MAMDC2: variants seen among roughly 807,000 people sequenced by gnomAD.
MAMDC2 encodes the protein MAM domain containing 2.
In MAMDC2, 57 loss-of-function variants were observed where a neutral mutation model predicts 89.8. That is an observed-to-expected ratio of 0.63 (90% CI 0.51 to 0.79). MAMDC2 has a LOEUF of 0.79. MAMDC2 is among the 30% of genes least tolerant of loss of function. The pLI is 0.00. For missense variants in MAMDC2, 800 were observed against 820.6 expected (o/e 0.97, Z 0.31); for synonymous variants, 313 against 293.4 (o/e 1.07, Z -0.68).
chr9:70,173,500 G>C (rs2032413330), intron 11 of MAMDC2, among the ~76,000 whole-genome samples: 1 of 152,184 alleles, frequency 6.6e-6, no homozygotes, highest in Non-Finnish European at 1.5e-5. Flanking sequence ...TCTATTTATT[G>C]CAAGAGGATT....
chr9:70,198,760 G>C (rs1052659340), intron 11 of MAMDC2, among the ~76,000 whole-genome samples: 29 of 152,082 alleles, frequency 1.9e-4, no homozygotes, highest in Non-Finnish European at 3.8e-4. Flanking sequence ...AGTAAAGGTA[G>C]AAGTATTCTT....
intron 9 of MAMDC2, among the ~76,000 whole-genome samples, chr9:70,161,778 C>G (rs1038990840): frequency 2.6e-5 from 4 of 152,158 alleles, no homozygotes; most frequent in African/African-American, 9.7e-5. Flanking sequence ...TCAGTAGCAT[C>G]TTAATGAAGG....
intron 2 of MAMDC2, among the ~76,000 whole-genome samples, chr9:70,063,791 T>C (rs1587437016): frequency 6.6e-6 from 1 of 152,154 alleles, no homozygotes; most frequent in East Asian, 1.9e-4. Context: ...TTAGGTATCA[T>C]TATTATCATT....
chr9:70,174,143 G>A (rs1228679113), intron 11 of MAMDC2, among the ~76,000 whole-genome samples: 1 of 152,112 alleles, frequency 6.6e-6, no homozygotes, highest in African/African-American at 2.4e-5. Context: ...AACATACTTA[G>A]AATAAGACCT....
At chr9:70,207,159 T>C (rs2033243485) in intron 11 of MAMDC2, among the ~76,000 whole-genome samples, 1 of 152,218 alleles carries the variant, frequency 6.6e-6, no homozygotes, top group Non-Finnish European at 1.5e-5. Flanking sequence ...ATGGGATGGC[T>C]GGATCAAATG....
Position 70,126,238 on chromosome 9 carries a change from C to A in MAMDC2, c.723C>A (p.Ala241=), listed in dbSNP as rs753775136. ...AGCTCATCTCCCCGTTGACCACGGC[C>A]CCCATGGCTGGCTGCCTGTCATTTT... ...VAQLISPLTT[A]PMAGCLSFYY... The change falls in exon 6 of 14, where the codon GCC becomes GCA. Residue 241 remains alanine (A), a synonymous_variant. Coordinates refer to ENST00000377182, the MANE Select transcript of MAMDC2 (RefSeq NM_153267.5). 1 of 1,614,028 alleles carries A rather than the reference C, an allele frequency of 6.2e-7. No homozygotes were observed. Among genetic ancestry groups the A allele is most frequent in the African/African-American group, 1.3e-5 (1 of 74,910 alleles).
chr9:70,118,043 G>A (rs1028674953), intron 5 of MAMDC2, among the ~76,000 whole-genome samples: 6 of 152,142 alleles, frequency 3.9e-5, no homozygotes, highest in Non-Finnish European at 7.4e-5. Context: ...GATGCATAAG[G>A]GGGAGACAAA....
intron 9 of MAMDC2, among the ~76,000 whole-genome samples, chr9:70,156,709 T>C (rs1246588539): frequency 6.6e-6 from 1 of 152,212 alleles, no homozygotes; most frequent in Non-Finnish European, 1.5e-5. Context: ...AGGAGCTAAG[T>C]ATGGAAAAGG....
intron 10 of MAMDC2, chr9:70,169,816 G>A (rs1256267107): frequency 6.6e-6 from 1 of 152,174 alleles, no homozygotes; most frequent in Non-Finnish European, 1.5e-5. Context: ...TTGGGAAAAG[G>A]AAAATAAACC....
chr9:70,207,645 A>T (rs549814560), intron 11 of MAMDC2, among the ~76,000 whole-genome samples: 5 of 152,012 alleles, frequency 3.3e-5, no homozygotes, highest in Non-Finnish European at 7.4e-5. Context: ...ATTAGATCCC[A>T]TTTGTCAATT....
At chr9:70,086,914 T>C (rs1378911364) in intron 2 of MAMDC2, 4 of 152,142 alleles carry the variant, frequency 2.6e-5, no homozygotes, top group Non-Finnish European at 5.9e-5. Flanking sequence ...AGAGGAGAGC[T>C]AGTCCCTCAG....
chr9:70,113,986 T>A (rs1010137569), intron 5 of MAMDC2: 1 of 152,130 alleles, frequency 6.6e-6, no homozygotes, highest in Non-Finnish European at 1.5e-5. Flanking sequence ...ATGGTGACAG[T>A]GTGTCCCCAT....
intron 2 of MAMDC2, among the ~76,000 whole-genome samples, chr9:70,098,083 C>T (rs947454021): frequency 3.3e-5 from 5 of 152,102 alleles, no homozygotes; most frequent in Non-Finnish European, 5.9e-5. Context: ...AACTGGGGGC[C>T]CATATACTTT....
chr9:70,062,045 C>A (rs186297845), intron 2 of MAMDC2, among the ~76,000 whole-genome samples: 1 of 152,278 alleles, frequency 6.6e-6, no homozygotes, highest in African/African-American at 2.4e-5. Flanking sequence ...AGCTTCCCTA[C>A]CAGCCTGAGC....
chr9:70,141,607 A>C (rs1241675570), intron 8 of MAMDC2, among the ~76,000 whole-genome samples: 1 of 152,234 alleles, frequency 6.6e-6, no homozygotes, highest in Non-Finnish European at 1.5e-5. Context: ...TTAACAAGAA[A>C]AAAATACAAA....
intron 2 of MAMDC2, among the ~76,000 whole-genome samples, chr9:70,059,278 C>T (rs1827093530): frequency 6.6e-6 from 1 of 152,098 alleles, no homozygotes; most frequent in African/African-American, 2.4e-5. Context: ...TCTCTTGACC[C>T]ATGGCATACG....
At chr9:70,117,426 C>T (rs1158041454) in intron 5 of MAMDC2, among the ~76,000 whole-genome samples, 7 of 152,052 alleles carry the variant, frequency 4.6e-5, no homozygotes, top group Admixed American at 4.6e-4. Flanking sequence ...ACAATGAGAA[C>T]ACATGGACAC....
chr9:70,085,247 G>T (rs1007480125), intron 2 of MAMDC2, among the ~76,000 whole-genome samples: 17 of 151,978 alleles, frequency 1.1e-4, no homozygotes, highest in African/African-American at 3.9e-4. Context: ...GCCTTTTACC[G>T]TGGGGGCATA....
chr9:70,044,627 T>C lies in MAMDC2; in HGVS notation c.78T>C (p.Cys26=). The C allele has an allele frequency of 6.4e-7, 1 of 1,551,412 alleles. No homozygotes were observed. Among genetic ancestry groups the C allele is most frequent in the Non-Finnish European group, 8.7e-7 (1 of 1,146,978 alleles). ...AGALDLPAGS[C]AFEESTCGFD... ...CCCTCGACCTGCCCGCTGGGTCCTG[T>C]GCCTTTGAAGAGAGCACTTGCGGCT... The change falls in exon 2 of 14, where the codon TGT becomes TGC. Residue 26 remains cysteine (C), a synonymous_variant. Coordinates refer to ENST00000377182, the MANE Select transcript of MAMDC2 (RefSeq NM_153267.5).
Sources: gnomAD v4.1 joint callset for allele counts (sites outside exome capture counted in the v4.1 genomes callset) on GRCh38, gnomAD v4.1.1 for gene constraint, MANE v1.5 for transcripts, NCBI Gene and HGNC (gene_info 2026-07-23, HGNC 2026-07-21) for gene names.